ATP10D: variants seen among roughly 807,000 people sequenced by gnomAD.
The protein encoded by ATP10D is phospholipid-transporting ATPase VD.
ATP10D carries 89 observed loss-of-function variants against 144.8 expected under a neutral mutation model. The ratio of observed to expected loss-of-function variants is 0.61; its 90% CI spans 0.52 to 0.73. ATP10D has a LOEUF of 0.73. Among genes scored for constraint, ATP10D ranks in the 30% least tolerant of loss-of-function variants. The pLI, the probability that ATP10D is intolerant of heterozygous loss-of-function variation, is 0.00. For synonymous variants in ATP10D, 571 were observed against 615.1 expected (o/e 0.93, Z 1.06); for missense variants, 1,603 against 1,714.8 (o/e 0.93, Z 1.15).
intron 17 of ATP10D, 85 bp downstream of exon 17, chr4:47,572,315 A>G (rs1719994726): frequency 1.6e-6 from 2 of 1,248,962 alleles, no homozygotes; most frequent in Admixed American, 1.7e-5. Context: ...TCTCTGTGGC[A>G]GAGTGAGGCT....
intron 22 of ATP10D, among the ~76,000 whole-genome samples, 189 bp downstream of exon 22, chr4:47,587,395 G>A (rs1286331343): frequency 1.3e-5 from 2 of 152,132 alleles, no homozygotes; most frequent in Non-Finnish European, 2.9e-5. Flanking sequence ...AGCAAACCGA[G>A]AGACTGATTT....
intron 15 of ATP10D, among the ~76,000 whole-genome samples, chr4:47,564,106 G>C (rs990655465): frequency 6.6e-6 from 1 of 152,134 alleles, no homozygotes; most frequent in Admixed American, 6.5e-5. Context: ...TGGCCAGGCT[G>C]ATCTTGAACT....
At chr4:47,502,516 C>A (rs1435165715) in intron 1 of ATP10D, among the ~76,000 whole-genome samples, 1 of 149,994 alleles carries the variant, frequency 6.7e-6, no homozygotes, top group Non-Finnish European at 1.5e-5. Context: ...GAAGCATTAT[C>A]GCTTTCAATG....
chr4:47,529,978 T>C (rs941542015), intron 5 of ATP10D, among the ~76,000 whole-genome samples: 3 of 152,186 alleles, frequency 2.0e-5, no homozygotes, highest in Non-Finnish European at 4.4e-5. Context: ...ATGCTACTGA[T>C]TTTGTGCATT....
chr4:47,550,488 G>T (rs1205457755), intron 10 of ATP10D, among the ~76,000 whole-genome samples: 2 of 151,082 alleles, frequency 1.3e-5, no homozygotes. Flanking sequence ...TCATGGGGTT[G>T]GGGGGGGCGG....
intron 1 of ATP10D, chr4:47,491,387 A>G: frequency 8.2e-6 from 6 of 731,522 alleles, no homozygotes; most frequent in South Asian, 6.9e-5. Context: ...TGGCCAAAGG[A>G]ACAACTCCAT....
chr4:47,549,904 C>T (rs1274833180), intron 10 of ATP10D, among the ~76,000 whole-genome samples: 1 of 150,600 alleles, frequency 6.6e-6, no homozygotes, highest in Admixed American at 6.6e-5. Context: ...CAAGGGAGAA[C>T]ATGGTGTGCA....
chr4:47,505,824 G>A (rs965708517), intron 1 of ATP10D, among the ~76,000 whole-genome samples: 1 of 152,010 alleles, frequency 6.6e-6, no homozygotes, highest in African/African-American at 2.4e-5. Context: ...CAAACATAGG[G>A]CATCTTGAAA....
chr4:47,568,765 A>G, intron 15 of ATP10D, 72 bp from the exon 16 acceptor site: 1 of 1,330,936 alleles, frequency 7.5e-7, no homozygotes. Context: ...CTAAAAAATG[A>G]CAATAAAAAA....
chr4:47,588,023 T>C (rs558535686), intron 22 of ATP10D, among the ~76,000 whole-genome samples: 14 of 152,268 alleles, frequency 9.2e-5, no homozygotes, highest in Middle Eastern at 3.4e-3. Flanking sequence ...ATGTACATTG[T>C]AACTGAGTGG....
Position 47,536,481 on chromosome 4 carries a change from A to G in ATP10D, c.1060A>G (p.Asn354Asp), listed in dbSNP as rs1173867819. Residue 354 changes from asparagine (N) to aspartate (D), a missense_variant, in exon 8 of 23, where the codon AAT becomes GAT. By Grantham distance (23) the Asn-to-Asp change is conservative. Transcript: ENST00000273859. ...CAGGTATGAAAAGATGCATTTTTTCAATGTTCCCGAGCCTGATGGACATAT... is the reference window on the plus strand; with the variant it reads ...CAGGTATGAAAAGATGCATTTTTTCGATGTTCCCGAGCCTGATGGACATAT... ...LSRYEKMHFF[N>D]VPEPDGHIIS... The G allele has an allele frequency of 1.2e-6, 2 of 1,613,598 alleles. No homozygotes were observed. Among genetic ancestry groups the G allele is most frequent in the East Asian group, 4.5e-5 (2 of 44,866 alleles).
intron 9 of ATP10D, among the ~76,000 whole-genome samples, chr4:47,541,636 T>C (rs1052644187): frequency 5.9e-5 from 9 of 152,198 alleles, no homozygotes; most frequent in Non-Finnish European, 1.0e-4. Flanking sequence ...GGATTGATGA[T>C]ACAATTGAAG....
chr4:47,516,090 C>T (rs1448593793), intron 3 of ATP10D, among the ~76,000 whole-genome samples: 8 of 151,952 alleles, frequency 5.3e-5, no homozygotes, highest in Non-Finnish European at 1.0e-4. Flanking sequence ...ATTAGCCGGA[C>T]GTGGTGGCAG....
rs187355739 is a variant in ATP10D at position 47,557,850 on chromosome 4, C to T, written c.2011C>T (p.Pro671Ser). The change falls in exon 12 of 23, where the codon CCT (proline) becomes TCT (serine). Residue 671 changes from proline to serine, a missense_variant. Coordinates refer to ENST00000273859, the MANE Select transcript of ATP10D (RefSeq NM_020453.4). ...CTTTAGTCGAATGAAACCAGCTTCA[C>T]CTGTGGAGGAAGAGGTCTCCCAGGT... The part of the protein sequence containing the change: ...PLFSRMKPAS[P>S]VEEEVSQVCE... 6.2e-7 allele frequency: 1 copy of T among 1,614,246 alleles called. No homozygotes were observed. Among genetic ancestry groups the T allele is most frequent in the East Asian group, 2.2e-5 (1 of 44,888 alleles).
At chr4:47,496,638 C>T (rs1172314243) in intron 1 of ATP10D, among the ~76,000 whole-genome samples, 1 of 152,146 alleles carries the variant, frequency 6.6e-6, no homozygotes, top group Non-Finnish European at 1.5e-5. Flanking sequence ...CTCTTTGCTA[C>T]ATTCTACATT....
intron 1 of ATP10D, among the ~76,000 whole-genome samples, chr4:47,504,927 C>T (rs770586925): frequency 6.6e-6 from 1 of 152,150 alleles, no homozygotes; most frequent in Admixed American, 6.5e-5. Context: ...TGGTTTACAA[C>T]ATATAAGAAC....
chr4:47,556,949 T>C (rs1024423507), intron 11 of ATP10D: 1 of 152,190 alleles, frequency 6.6e-6, no homozygotes, highest in African/African-American at 2.4e-5. Flanking sequence ...TTGATGAAGC[T>C]ACTTTGCTTA....
At chr4:47,499,710 A>G (rs1715578728) in intron 1 of ATP10D, among the ~76,000 whole-genome samples, 1 of 152,246 alleles carries the variant, frequency 6.6e-6, no homozygotes, top group South Asian at 2.1e-4. Flanking sequence ...CACATTGTAT[A>G]ATGATTTCTA....
At chr4:47,517,385 C>T (rs914002759) in intron 3 of ATP10D, among the ~76,000 whole-genome samples, 3 of 152,164 alleles carry the variant, frequency 2.0e-5, no homozygotes, top group African/African-American at 7.2e-5. Flanking sequence ...CACTACACTC[C>T]AATCCGGGCA....
Sources: gnomAD v4.1 joint callset for allele counts (sites outside exome capture counted in the v4.1 genomes callset) on GRCh38, gnomAD v4.1.1 for gene constraint, MANE v1.5 for transcripts, NCBI Gene and HGNC (gene_info 2026-07-23, HGNC 2026-07-21) for gene names.